Variants in EXOSC7 observed in about 807,000 individuals in gnomAD.
EXOSC7 encodes exosome complex component RRP42.
In EXOSC7, 25 loss-of-function variants were observed where a neutral mutation model predicts 34.3. The ratio of observed to expected loss-of-function variants is 0.73; its 90% confidence interval spans 0.53 to 1.02. The LOEUF (loss-of-function observed/expected upper bound fraction) is 1.02, where lower values mean the gene tolerates loss of function less well. Ranked by LOEUF, EXOSC7 falls within the 50% of genes least tolerant of loss-of-function variation. The pLI is 0.00. For missense variants in EXOSC7, 370 were observed against 368.5 expected (o/e 1.00, Z -0.03); for synonymous variants, 130 against 143.0 (o/e 0.91, Z 0.65).
chr3:44,991,624 T>C (rs1030902318), intron 3 of EXOSC7, among the ~76,000 whole-genome samples: 1 of 152,202 alleles, frequency 6.6e-6, no homozygotes, highest in African/African-American at 2.4e-5. Context: ...TGTGTCTAAA[T>C]ATGACTCCAA....
At chr3:45,007,596 A>G (rs921433124) in intron 7 of EXOSC7, 21 bp downstream of exon 7, 15 of 1,586,748 alleles carry the variant, frequency 9.5e-6, no homozygotes, top group Non-Finnish European at 1.3e-5. Context: ...AGTTCTGAGG[A>G]AGGTGCAGGG....
At chr3:44,989,497 G>A in intron 2 of EXOSC7, 53 bp from the exon 3 acceptor site, 3 of 1,376,044 alleles carry the variant, frequency 2.2e-6, no homozygotes, top group Admixed American at 3.4e-5. Flanking sequence ...GGGAGGTGGT[G>A]GAGTACCTGG....
At chr3:44,986,002 G>A (rs1411965469) in intron 1 of EXOSC7, among the ~76,000 whole-genome samples, 1 of 152,154 alleles carries the variant, frequency 6.6e-6, no homozygotes, top group Non-Finnish European at 1.5e-5. Flanking sequence ...CTCTTAGCTA[G>A]ACATAGAGGT....
chr3:45,001,718 G>A (rs1052295354), intron 5 of EXOSC7, 110 bp downstream of exon 5: 8 of 779,202 alleles, frequency 1.0e-5, no homozygotes, highest in African/African-American at 6.9e-5. Flanking sequence ...GATAACAGGG[G>A]GTTTTAACAT....
intron 1 of EXOSC7, among the ~76,000 whole-genome samples, chr3:44,980,338 G>A (rs544626933): frequency 3.9e-5 from 6 of 152,336 alleles, no homozygotes; most frequent in Admixed American, 2.6e-4. Context: ...ATTGGTTTCT[G>A]TTAGGTTCTC....
chr3:44,989,687 T>C (rs1415757243), intron 3 of EXOSC7, 43 bp downstream of exon 3: 5 of 1,454,780 alleles, frequency 3.4e-6, no homozygotes, highest in Middle Eastern at 1.7e-4. Context: ...TAAATGATTT[T>C]AAAGATGAAG....
At position 44,997,130 on chromosome 3, in the gene EXOSC7, G is replaced by C. The variant is rs1478840145; in HGVS notation, c.298G>C (p.Asp100His). The change falls in exon 4 of 8, where the codon GAC (aspartate) becomes CAC (histidine). Residue 100 changes from aspartate to histidine, a missense_variant. Physicochemically the swap from Asp to His is moderately conservative, Grantham distance 81. Transcript: ENST00000265564. ...TGAATTTGAAGGTAGAGGAGGTGATGACCTTGGCACCGAGATCGCTAACAC... is the reference window on the plus strand; with the variant it reads ...TGAATTTGAAGGTAGAGGAGGTGATCACCTTGGCACCGAGATCGCTAACAC... ...TPEFEGRGGD[D>H]LGTEIANTLY... 1.1e-5 allele frequency: 18 copies of C among 1,614,092 alleles called. No homozygotes were observed. The highest frequency in any genetic ancestry group is 1.4e-5 in the Non-Finnish European group (17 of 1,180,002).
chr3:45,009,138 A>G (rs1457957675), intron 7 of EXOSC7, among the ~76,000 whole-genome samples: 1 of 151,926 alleles, frequency 6.6e-6, no homozygotes, highest in Non-Finnish European at 1.5e-5. Context: ...TATAAACCAG[A>G]TCTGCCCTGG....
intron 4 of EXOSC7, among the ~76,000 whole-genome samples, chr3:44,999,301 T>C (rs1273891329): frequency 6.6e-6 from 1 of 152,234 alleles, no homozygotes; most frequent in African/African-American, 2.4e-5. Flanking sequence ...TCTGTAGACC[T>C]TTCTTTTTAA....
At chr3:44,981,449 G>A (rs538232638) in intron 1 of EXOSC7, among the ~76,000 whole-genome samples, 8 of 152,248 alleles carry the variant, frequency 5.3e-5, no homozygotes, top group Non-Finnish European at 1.0e-4. Flanking sequence ...GGTTAACACA[G>A]AAAAAATGCT....
At chr3:44,997,727 C>T (rs1177465466) in intron 4 of EXOSC7, among the ~76,000 whole-genome samples, 1 of 152,188 alleles carries the variant, frequency 6.6e-6, no homozygotes. Flanking sequence ...ATCAACTAGC[C>T]CAAGAGGTCT....
chr3:45,004,642 T>C (rs761587665), intron 5 of EXOSC7: 1 of 151,284 alleles, frequency 6.6e-6, no homozygotes, highest in Non-Finnish European at 1.5e-5. Context: ...TTTTAATAGA[T>C]ATTTAAATTG....
At position 44,987,146 on chromosome 3, in the gene EXOSC7, A is replaced by G. The variant is rs974671765; in HGVS notation, c.58-1994A>G. On this transcript the variant is annotated intron_variant, in intron 1 of 7. Transcript: ENST00000265564. ...ATAGTATTCCACCCTTCATATAAGA[A>G]ACAAGGAGATATTAAAAAATTCATG... is the stretch of plus-strand genomic sequence containing the variant. 4.6e-5 allele frequency among the ~76,000 whole-genome samples: 7 copies of G among 152,282 alleles called. 1 individual carries two copies.
chr3:44,983,183 C>G lies in EXOSC7; in HGVS notation c.58-5957C>G, dbSNP rs189514200. Among the ~76,000 whole-genome samples, 42 of 152,300 alleles carry G rather than the reference C, an allele frequency of 2.8e-4. 1 individual carries two copies. The East Asian group carries it at 6.8e-3, about 24-fold the overall frequency. On this transcript the variant is annotated intron_variant, in intron 1 of 7. Transcript: ENST00000265564. ...TTCCTGGGTGTGAGGGAAAGTAGGT[C>G]TGTGCTTAAATGTCCTTCCACTCTG...
chr3:44,982,738 T>C (rs1706304276), intron 1 of EXOSC7, among the ~76,000 whole-genome samples: 1 of 152,196 alleles, frequency 6.6e-6, no homozygotes, highest in Non-Finnish European at 1.5e-5. Context: ...GACTCTTGAT[T>C]TTTAGCTCTC....
intron 7 of EXOSC7, 69 bp downstream of exon 7, chr3:45,007,644 TC>T: frequency 6.8e-7 from 1 of 1,460,498 alleles, no homozygotes; most frequent in Non-Finnish European, 9.2e-7. Context: ...GCTCCCTTGG[TC>T]ATACCGTGGG....
rs1444435758 is a variant in EXOSC7, at chr3:45,006,464, C to G, written c.616-956C>G. 2.3e-5 allele frequency among the ~76,000 whole-genome samples: 3 copies of G among 130,138 alleles called. No individual in the cohort carries two copies. The Admixed American group carries it at 2.6e-4, about 11-fold the overall frequency. 85.4% of individuals were successfully genotyped at this position (130,138 alleles called of 152,430 possible). The stretch of plus-strand genomic sequence containing the variant: ...TCGCTCTGTCGCCCAGGCCGGACTG[C>G]GGACTGCAGTGGTGCAATCTCGGCT... On this transcript the variant is annotated intron_variant, in intron 6 of 7. Transcript: ENST00000265564.
chr3:44,976,255 G>GA lies in EXOSC7; in HGVS notation c.-23_-22insA. 1 of 1,536,798 alleles carries GA rather than the reference G, an allele frequency of 6.5e-7. No homozygotes were observed. The highest frequency in any genetic ancestry group is 1.4e-5 in the African/African-American group (1 of 69,904). On this transcript the variant is annotated 5_prime_UTR_variant, in exon 1 of 8. Transcript: ENST00000265564. The stretch of plus-strand genomic sequence containing the variant: ...GAGGGGACGCGCGCAGATGACGTGC[G>GA]GCTCGTGGGGCAGCTCGGCAGCATG...
chr3:44,991,488 T>C (rs1406746314), intron 3 of EXOSC7, among the ~76,000 whole-genome samples: 1 of 152,224 alleles, frequency 6.6e-6, no homozygotes, highest in East Asian at 1.9e-4. Flanking sequence ...TGCTTTCTTT[T>C]TCATCTCCTT....
Sources: allele counts gnomAD v4.1 joint callset (sites outside exome capture counted in the v4.1 genomes callset), GRCh38; gene constraint gnomAD v4.1.1; transcripts MANE v1.5; gene names NCBI Gene and HGNC (gene_info 2026-07-23, HGNC 2026-07-21).